The following CDKL2 variants were observed in gnomAD, a reference collection of about 807,000 sequenced individuals.
CDKL2 encodes cyclin-dependent kinase-like 2.
A neutral mutation model predicts 63.9 loss-of-function variants in CDKL2; 64 were observed. That is an observed-to-expected ratio of 1.00 (90% CI 0.82 to 1.23). The LOEUF is 1.23. Among genes scored for constraint, CDKL2 ranks in the 50% most tolerant of loss-of-function variants. The probability of loss-of-function intolerance (pLI) is 0.00; values close to 1 mark genes in which losing one functional copy is unlikely to be tolerated. For missense variants in CDKL2, 656 were observed against 668.0 expected (o/e 0.98, Z 0.20); for synonymous variants, 211 against 229.2 (o/e 0.92, Z 0.72).
At chr4:75,590,546 C>G (rs1285379702) in intron 12 of CDKL2, among the ~76,000 whole-genome samples, 2 of 152,058 alleles carry the variant, frequency 1.3e-5, no homozygotes, top group African/African-American at 2.4e-5. Flanking sequence ...GAAACCCTGC[C>G]TCTAATAAAA....
At chr4:75,627,591 A>T (rs1340699649) in intron 1 of CDKL2, among the ~76,000 whole-genome samples, 2 of 152,018 alleles carry the variant, frequency 1.3e-5, no homozygotes, top group Non-Finnish European at 2.9e-5. Context: ...TTTAATAAAG[A>T]TCAACTTTTT....
rs1481006446 is a variant in CDKL2, at chr4:75,596,795, T to C, written c.1322+140A>G. 13 of 711,140 alleles carry C rather than the reference T, an allele frequency of 1.8e-5. No individual in the cohort carries two copies. In the Admixed American group the frequency reaches 3.8e-4, roughly 21 times the overall value. 44.1% of individuals were successfully genotyped at this position (711,140 alleles called of 1,614,324 possible). A position where few individuals can be genotyped will look rare whatever the true frequency, so the allele number is the denominator to read the frequency against. On this transcript the variant is annotated intron_variant, in intron 9 of 13. Coordinates refer to ENST00000307465, the MANE Select transcript of CDKL2 (RefSeq NM_001330724.2). ...TAATCTTCATCACACAGCCAAAAAG[T>C]CTTTTGAAACAGCTACCTGACAAGA... is the stretch of plus-strand genomic sequence containing the variant.
chr4:75,621,127 G>T (rs1415539663), intron 2 of CDKL2, among the ~76,000 whole-genome samples: 3 of 151,790 alleles, frequency 2.0e-5, no homozygotes, highest in Non-Finnish European at 4.4e-5. Flanking sequence ...GTAAGGACAG[G>T]GTTTCACCAC....
chr4:75,614,525 G>A, intron 2 of CDKL2, 76 bp from the exon 3 acceptor site: 3 of 851,706 alleles, frequency 3.5e-6, no homozygotes, highest in Middle Eastern at 2.9e-4. Context: ...CAAATTATTA[G>A]CAATTAATTA....
chr4:75,614,923 G>GTATA (rs374479098), intron 2 of CDKL2, among the ~76,000 whole-genome samples: 50 of 146,648 alleles, frequency 3.4e-4, no homozygotes, highest in Middle Eastern at 3.6e-3. Flanking sequence ...CATATATATA[G>GTATA]TATATATATA....
rs533914363 is a variant in CDKL2 at position 75,614,395 on chromosome 4, G to C, written c.223C>G (p.Arg75Gly). The C allele has an allele frequency of 9.6e-6, 15 of 1,567,760 alleles. No individual in the cohort carries two copies. In the South Asian group the frequency reaches 1.7e-4, roughly 18 times the overall value. ...NLLEVCKKKK[R>G]WYLVFEFVDH... ...ACAAATTCAAAGACTAGGTACCATCGTTTTTTTTTCTTACACACTTCCAAG... is the reference window on the plus strand; with the variant it reads ...ACAAATTCAAAGACTAGGTACCATCCTTTTTTTTTCTTACACACTTCCAAG... The change falls in exon 3 of 14, where the codon CGA becomes GGA. Residue 75 changes from arginine (R) to glycine (G), a missense_variant. Arg to Gly is a moderately radical substitution (Grantham distance 125). Transcript: ENST00000307465.
At chr4:75,603,681 C>T (rs1236317127) in intron 6 of CDKL2, 136 bp downstream of exon 6, 2 of 627,470 alleles carry the variant, frequency 3.2e-6, no homozygotes, top group African/African-American at 2.0e-5. Flanking sequence ...TGCCACAGCA[C>T]TCCAGCCTGT....
At chr4:75,593,901 C>T (rs1728808112) in intron 10 of CDKL2, among the ~76,000 whole-genome samples, 1 of 151,956 alleles carries the variant, frequency 6.6e-6, no homozygotes, top group Non-Finnish European at 1.5e-5. Flanking sequence ...AGGAATATTC[C>T]TTTGGGAATA....
intron 3 of CDKL2, among the ~76,000 whole-genome samples, chr4:75,608,923 G>A (rs1729550126): frequency 1.3e-5 from 2 of 151,832 alleles, no homozygotes; most frequent in African/African-American, 2.4e-5. Context: ...GTACCCAGGA[G>A]GTGGAGGTTG....
chr4:75,624,643 G>A (rs1486702273), intron 2 of CDKL2, among the ~76,000 whole-genome samples: 1 of 150,932 alleles, frequency 6.6e-6, no homozygotes, highest in Non-Finnish European at 1.5e-5. Flanking sequence ...GAGGTCAGGA[G>A]ATCGAGACCA....
At chr4:75,591,993 T>G (rs1209958811) in intron 11 of CDKL2, 68 bp from the exon 12 acceptor site, 45 of 1,365,540 alleles carry the variant, frequency 3.3e-5, no homozygotes, top group Non-Finnish European at 4.3e-5. Flanking sequence ...TTTTTCACAT[T>G]CTCTACGTGT....
intron 2 of CDKL2, among the ~76,000 whole-genome samples, chr4:75,614,744 C>G (rs2148901825): frequency 6.6e-6 from 1 of 151,776 alleles, no homozygotes; most frequent in East Asian, 1.9e-4. Flanking sequence ...CTACTCACAA[C>G]AAATGAGATG....
intron 9 of CDKL2, 67 bp from the exon 10 acceptor site, chr4:75,596,407 T>A: frequency 1.1e-6 from 1 of 918,488 alleles, no homozygotes; most frequent in Non-Finnish European, 1.8e-6. Context: ...AGCACAAAAC[T>A]AAATGACACA....
chr4:75,603,786 G>A, intron 6 of CDKL2, 31 bp downstream of exon 6: 1 of 1,414,582 alleles, frequency 7.1e-7, no homozygotes, highest in Non-Finnish European at 9.6e-7. Flanking sequence ...TAAATTCCCT[G>A]TCATAAAGTG....
intron 3 of CDKL2, among the ~76,000 whole-genome samples, chr4:75,611,411 A>T (rs1443541382): frequency 1.3e-5 from 2 of 149,174 alleles, no homozygotes; most frequent in Non-Finnish European, 3.0e-5. Context: ...GTGAGCCAAG[A>T]TCGTGCCACT....
chr4:75,580,117 C>T (rs1268631947), intron 13 of CDKL2, among the ~76,000 whole-genome samples: 1 of 151,914 alleles, frequency 6.6e-6, no homozygotes, highest in Non-Finnish European at 1.5e-5. Context: ...ACTAAATATA[C>T]AAAAATTAGC....
chr4:75,600,404 G>A (rs772253912), intron 6 of CDKL2, 35 bp from the exon 7 acceptor site: 13 of 1,257,212 alleles, frequency 1.0e-5, no homozygotes, highest in African/African-American at 1.5e-5. Flanking sequence ...TTCATATCAA[G>A]AAAAACTACC....
intron 2 of CDKL2, among the ~76,000 whole-genome samples, chr4:75,622,881 T>A (rs1730227551): frequency 6.6e-6 from 1 of 152,022 alleles, no homozygotes; most frequent in African/African-American, 2.4e-5. Flanking sequence ...ATTGGTAAAT[T>A]GATTCTAAAA....
At position 75,602,012 on chromosome 4, in the gene CDKL2, C is replaced by T. The variant is rs552470252; in HGVS notation, c.796-1643G>A. On this transcript the variant is annotated intron_variant, in intron 6 of 13. Transcript: ENST00000307465. The stretch of plus-strand genomic sequence containing the variant: ...AAGGTCAAATTTTAGAGTTGATTCT[C>T]ACTTGATAGAATGAAAACCTAACAT... Among the ~76,000 whole-genome samples, 16 of 152,324 alleles carry T rather than the reference C, an allele frequency of 1.1e-4. 1 individual carries two copies. In the South Asian group the frequency reaches 3.1e-3, roughly 30 times the overall value.
Sources: allele counts gnomAD v4.1 joint callset (sites outside exome capture counted in the v4.1 genomes callset), GRCh38; gene constraint gnomAD v4.1.1; transcripts MANE v1.5; gene names NCBI Gene and HGNC (gene_info 2026-07-23, HGNC 2026-07-21).